The following TRPM3 variants were observed in gnomAD, a reference collection of about 807,000 sequenced individuals.
TRPM3 encodes the protein long transient receptor potential channel 3.
TRPM3 carries 77 observed loss-of-function variants against 181.2 expected under a neutral mutation model. The observed-to-expected ratio is 0.42, with a 90% CI of 0.35 to 0.51. The LOEUF (loss-of-function observed/expected upper bound fraction) is 0.51. Among genes scored for constraint, TRPM3 ranks in the 20% least tolerant of loss-of-function variants. The pLI, the probability that TRPM3 is intolerant of heterozygous loss-of-function variation, is 0.01. For missense variants in TRPM3, 1,759 were observed against 2,196.7 expected (o/e 0.80, Z 3.98); for synonymous variants, 745 against 796.4 (o/e 0.94, Z 1.09).
chr9:71,256,779 G>A (rs1033766090), intron 1 of TRPM3, among the ~76,000 whole-genome samples: 1 of 152,050 alleles, frequency 6.6e-6, no homozygotes, highest in Non-Finnish European at 1.5e-5. Flanking sequence ...GCCCTTGCAA[G>A]GCATGTTAAA....
chr9:70,620,504 C>T, intron 15 of TRPM3, 139 bp from the exon 16 acceptor site: 1 of 918,436 alleles, frequency 1.1e-6, no homozygotes, highest in East Asian at 2.4e-5. Context: ...CCTAAAAGAA[C>T]TCACAAGCTC....
chr9:70,654,601 C>T (rs2060021425), intron 9 of TRPM3, among the ~76,000 whole-genome samples: 1 of 152,068 alleles, frequency 6.6e-6, no homozygotes, highest in Admixed American at 6.6e-5. Flanking sequence ...AGCTCAATTC[C>T]TCCTTTTAAG....
chr9:70,907,819 T>G (rs1282682100), intron 1 of TRPM3, among the ~76,000 whole-genome samples: 1 of 152,216 alleles, frequency 6.6e-6, no homozygotes, highest in Non-Finnish European at 1.5e-5. Context: ...GGTTTTCTGT[T>G]TCTGCATTAA....
At chr9:70,993,287 A>G (rs1321614490) in intron 1 of TRPM3, among the ~76,000 whole-genome samples, 2 of 152,198 alleles carry the variant, frequency 1.3e-5, no homozygotes, top group African/African-American at 4.8e-5. Flanking sequence ...TCTGGTCAGA[A>G]TGATTACAGT....
chr9:71,227,060 G>C (rs2080714744), intron 1 of TRPM3, among the ~76,000 whole-genome samples: 1 of 126,232 alleles, frequency 7.9e-6, no homozygotes, highest in African/African-American at 3.1e-5. Flanking sequence ...AGTGAGCCGA[G>C]ATCATGCCAT....
At chr9:71,155,651 G>A (rs1037210346) in intron 1 of TRPM3, among the ~76,000 whole-genome samples, 12 of 151,988 alleles carry the variant, frequency 7.9e-5, no homozygotes, top group Admixed American at 7.9e-4. Flanking sequence ...CACTGTGCCT[G>A]GCACAAAGTT....
At chr9:71,295,658 T>C (rs1217472796) in intron 1 of TRPM3, among the ~76,000 whole-genome samples, 1 of 151,804 alleles carries the variant, frequency 6.6e-6, no homozygotes, top group Non-Finnish European at 1.5e-5. Context: ...AGCAAGACTG[T>C]ATTTGTACAA....
intron 6 of TRPM3, among the ~76,000 whole-genome samples, chr9:70,817,592 G>A (rs1422507580): frequency 1.3e-5 from 2 of 152,198 alleles, no homozygotes; most frequent in African/African-American, 2.4e-5. Flanking sequence ...GTCATGCTAG[G>A]TTGGCAGTGT....
Position 71,135,321 on chromosome 9 carries a change from G to A in TRPM3, c.184-270810C>T, listed in dbSNP as rs1038396832. On this transcript the variant is annotated intron_variant, in intron 1 of 24. Coordinates refer to the TRPM3 transcript ENST00000357533. Reference sequence around the variant, plus strand: ...ACAGAGAGAAGAGTGAGAAGCAGAAGCCATGGAGATTCAATTACATATAAC... The same window carrying A: ...ACAGAGAGAAGAGTGAGAAGCAGAAACCATGGAGATTCAATTACATATAAC... 2.0e-5 allele frequency among the ~76,000 whole-genome samples: 3 copies of A among 152,162 alleles called. No homozygotes were observed. The South Asian group carries it at 6.2e-4, about 31-fold the overall frequency.
chr9:71,081,188 T>C (rs1455741020), intron 1 of TRPM3, among the ~76,000 whole-genome samples: 1 of 152,148 alleles, frequency 6.6e-6, no homozygotes, highest in African/African-American at 2.4e-5. Flanking sequence ...AGAGGAGCAA[T>C]GGCTATAATA....
At chr9:71,419,282 A>G (rs1454586705) in intron 1 of TRPM3, among the ~76,000 whole-genome samples, 2 of 151,838 alleles carry the variant, frequency 1.3e-5, no homozygotes, top group Non-Finnish European at 2.9e-5. Context: ...TGAAAGCCCT[A>G]TTTTTTGGGG....
chr9:70,536,046 C>T lies in TRPM3; in HGVS notation c.5067G>A (p.Lys1689=). The T allele has an allele frequency of 6.2e-7, 1 of 1,614,208 alleles. No individual in the cohort carries two copies. Among genetic ancestry groups the T allele is most frequent in the Non-Finnish European group, 8.5e-7 (1 of 1,180,034 alleles). ...ASLRNPFQRS[K]SSKPEGRGDS... ...CCCCTCGGCCCTCCGGCTTGGAGGA[C>T]TTGCTTCTCTGGAAGGGATTTCGCA... The change falls in exon 26 of 26, where the codon AAG becomes AAA. Residue 1689 remains lysine (K), a synonymous_variant. Transcript: ENST00000677713.
intron 1 of TRPM3, among the ~76,000 whole-genome samples, chr9:71,305,837 G>T (rs1022957374): frequency 2.6e-5 from 4 of 151,962 alleles, no homozygotes; most frequent in Non-Finnish European, 2.9e-5. Context: ...ATATCTGCTC[G>T]TTACTAGGAA....
chr9:71,419,504 T>G (rs535916130), intron 1 of TRPM3, among the ~76,000 whole-genome samples: 1 of 152,036 alleles, frequency 6.6e-6, no homozygotes, highest in African/African-American at 2.4e-5. Context: ...CAGTCAGGTA[T>G]CTAGTCAATT....
intron 1 of TRPM3, among the ~76,000 whole-genome samples, chr9:71,044,688 T>C (rs1274643643): frequency 6.6e-6 from 1 of 152,224 alleles, no homozygotes; most frequent in Non-Finnish European, 1.5e-5. Flanking sequence ...TTTTCGTTTT[T>C]TGAGACGGAG....
chr9:70,740,764 T>C (rs562429824), intron 8 of TRPM3, among the ~76,000 whole-genome samples: 1 of 152,270 alleles, frequency 6.6e-6, no homozygotes, highest in East Asian at 1.9e-4. Context: ...CAATCACATG[T>C]AGAAGAATGA....
At chr9:71,266,228 C>T (rs2083383947) in intron 1 of TRPM3, among the ~76,000 whole-genome samples, 1 of 152,084 alleles carries the variant, frequency 6.6e-6, no homozygotes, top group Non-Finnish European at 1.5e-5. Flanking sequence ...TTTATCCAGC[C>T]CTCACAATTA....
chr9:71,354,044 CTCA>C (rs910896122), intron 1 of TRPM3, among the ~76,000 whole-genome samples: 91 of 152,314 alleles, frequency 6.0e-4, no homozygotes, highest in African/African-American at 2.0e-3. Flanking sequence ...ATCCAGGCCA[CTCA>C]TCATATGCTG....
At chr9:71,200,747 T>G (rs2078726986) in intron 1 of TRPM3, among the ~76,000 whole-genome samples, 1 of 152,188 alleles carries the variant, frequency 6.6e-6, no homozygotes, top group South Asian at 2.1e-4. Context: ...TCCATCCTTT[T>G]ATTTTGAGTC....
Sources: allele counts gnomAD v4.1 joint callset (sites outside exome capture counted in the v4.1 genomes callset), GRCh38; gene constraint gnomAD v4.1.1; transcripts MANE v1.5; gene names NCBI Gene and HGNC (gene_info 2026-07-23, HGNC 2026-07-21).